Variants in ABL1 observed in about 807,000 individuals in gnomAD.
ABL1 encodes ABL proto-oncogene 1, non-receptor tyrosine kinase, also known as tyrosine-protein kinase ABL1.
ABL1 carries 11 observed loss-of-function variants against 94.7 expected under a neutral mutation model. The observed-to-expected ratio is 0.12, with a 90% CI of 0.07 to 0.19. The LOEUF is 0.19. Among genes scored for constraint, ABL1 ranks in the 10% least tolerant of loss-of-function variants. ABL1 has a pLI of 1.00. For synonymous variants in ABL1, 656 were observed against 622.4 expected (o/e 1.05, Z -0.80); for missense variants, 1,082 against 1,489.4 (o/e 0.73, Z 4.50).
chr9:130,815,338 GAAATAA>G (rs1002807454), intron 1 of ABL1, among the ~76,000 whole-genome samples: 23 of 152,116 alleles, frequency 1.5e-4, no homozygotes, highest in Non-Finnish European at 2.1e-4. Flanking sequence ...TCAAAATAAT[GAAATAA>G]AAATAAAAAA....
intron 1 of ABL1, among the ~76,000 whole-genome samples, chr9:130,811,810 G>A (rs892666421): frequency 6.6e-6 from 1 of 151,058 alleles, no homozygotes; most frequent in African/African-American, 2.4e-5. Flanking sequence ...TACTCGGGAG[G>A]CTGAGGCAGG....
rs1196473209 is a variant in ABL1, at chr9:130,885,678, A to G, written c.3388A>G (p.Arg1130Gly). ...GAAGGAAATCAGTGACATAGTGCAG[A>G]GGTAGCAGCAGTCAGGGGTCAGGTG... is the stretch of plus-strand genomic sequence containing the variant. ...SVKEISDIVQ[R>G] The change falls in exon 11 of 11, where the codon AGG (arginine) becomes GGG (glycine). Residue 1130 changes from arginine (R) to glycine (G), a missense_variant. Physicochemically the swap from Arg to Gly is moderately radical, Grantham distance 125. Around this residue, in one of 7 missense-constraint regions of ABL1, gnomAD observed 780 missense variants for 835.8 expected, o/e 0.93. Transcript: ENST00000318560. The G allele has an allele frequency of 6.2e-7, 1 of 1,608,508 alleles. No individual in the cohort carries two copies. Among genetic ancestry groups the G allele is most frequent in the Admixed American group, 1.7e-5 (1 of 59,850 alleles).
At chr9:130,831,982 T>C (rs1472752134), upstream of ABL1, among the ~76,000 whole-genome samples, 1 of 152,176 alleles carries the variant, frequency 6.6e-6, no homozygotes, top group Non-Finnish European at 1.5e-5. Flanking sequence ...ATTACACATA[T>C]TCTGATTCTA....
In ABL1 at chr9:130,880,369, T is replaced by G. The variant is rs1831430352; in HGVS notation, c.1514-131T>G. On this transcript the variant is annotated intron_variant, in intron 9 of 10. Transcript: ENST00000318560. The surrounding 1 kb of genome is among the most constrained non-coding windows in gnomAD (Gnocchi z 4.4). ...AATGCTAAGGGCTGTTTCTCCGGTA[T>G]CCACGTGCCTTTTCTTTAGTTGTAT... The G allele has an allele frequency of 8.5e-7, 1 of 1,178,610 alleles. No individual in the cohort carries two copies. Among genetic ancestry groups the G allele is most frequent in the South Asian group, 1.5e-5 (1 of 66,634 alleles). The allele number at this position is 1,178,610 out of a possible 1,614,324, so 73.0% of individuals were successfully genotyped here. A position where few individuals can be genotyped will look rare whatever the true frequency, so the allele number is the denominator to read the frequency against.
At chr9:130,747,118 T>C (rs2132720974) in intron 1 of ABL1, among the ~76,000 whole-genome samples, 1 of 152,268 alleles carries the variant, frequency 6.6e-6, no homozygotes, top group Admixed American at 6.5e-5. Context: ...CTCATGCCTG[T>C]AATCCCAGCA....
rs1831268734 is a variant in ABL1 at position 130,872,490 on chromosome 9, G to A, written c.907+277G>A. 6.6e-6 allele frequency among the ~76,000 whole-genome samples: 1 copy of A among 152,354 alleles called. No individual in the cohort carries two copies. Among genetic ancestry groups the A allele is most frequent in the African/African-American group, 2.4e-5 (1 of 41,580 alleles). On this transcript the variant is annotated intron_variant, in intron 5 of 10. Transcript: ENST00000318560. This position sits in a 1 kb window ranked among gnomAD's most constrained non-coding sequence, Gnocchi z 5.0. ...AATCTGAAATTAGTTTCTGAAACTT[G>A]GGCATTTTCCAGAGTTTTCTCACTG... is the stretch of plus-strand genomic sequence containing the variant.
chr9:130,811,077 A>G (rs1333717247), intron 1 of ABL1, among the ~76,000 whole-genome samples: 2 of 152,082 alleles, frequency 1.3e-5, no homozygotes, highest in Non-Finnish European at 2.9e-5. Context: ...TCAAAAATGA[A>G]GGCAAAATAA....
At chr9:130,793,726 G>T (rs1037579642) in intron 1 of ABL1, among the ~76,000 whole-genome samples, 1 of 152,110 alleles carries the variant, frequency 6.6e-6, no homozygotes, top group Non-Finnish European at 1.5e-5. Flanking sequence ...GTCATGGTCT[G>T]TGGCCTGTTA....
chr9:130,735,951 A>T (rs1588215887), intron 1 of ABL1, among the ~76,000 whole-genome samples: 1 of 82,784 alleles, frequency 1.2e-5, no homozygotes, highest in Non-Finnish European at 1.9e-5. Context: ...ATATATATAT[A>T]TATATATATA....
chr9:130,719,378 A>C (rs1261405621), intron 1 of ABL1, among the ~76,000 whole-genome samples: 1 of 151,992 alleles, frequency 6.6e-6, no homozygotes, highest in Admixed American at 6.6e-5. Flanking sequence ...AAAATACAAA[A>C]ATTAGCTGGG....
At chr9:130,733,021 G>T (rs1831686671) in intron 1 of ABL1, among the ~76,000 whole-genome samples, 1 of 152,192 alleles carries the variant, frequency 6.6e-6, no homozygotes, top group South Asian at 2.1e-4. Flanking sequence ...CAGAGAAGGG[G>T]AGTGTTTTTA....
intron 7 of ABL1, 78 bp downstream of exon 7, chr9:130,875,130 TTTC>T: frequency 6.9e-7 from 1 of 1,440,338 alleles, no homozygotes; most frequent in Non-Finnish European, 9.4e-7. Flanking sequence ...TGCTCTTCCC[TTTC>T]TTTTCTTCCT....
At chr9:130,836,464 G>A (rs1278699926) in intron 1 of ABL1, among the ~76,000 whole-genome samples, 1 of 152,176 alleles carries the variant, frequency 6.6e-6, no homozygotes, top group Non-Finnish European at 1.5e-5. Flanking sequence ...TCAGCAGAAA[G>A]GCTATCTGTG....
intron 1 of ABL1, among the ~76,000 whole-genome samples, chr9:130,725,201 A>G (rs1564269193): frequency 6.6e-6 from 1 of 151,890 alleles, no homozygotes; most frequent in African/African-American, 2.4e-5. Context: ...TCATCATCCT[A>G]AGTAGAAACT....
intron 1 of ABL1, among the ~76,000 whole-genome samples, chr9:130,716,062 G>GA (rs1366479272): frequency 7.9e-6 from 1 of 126,068 alleles, no homozygotes; most frequent in Non-Finnish European, 1.7e-5. Flanking sequence ...ACTTTTCACT[G>GA]AAAAATGTCC....
intron 1 of ABL1, among the ~76,000 whole-genome samples, chr9:130,717,980 C>T (rs1179498423): frequency 2.7e-5 from 4 of 147,128 alleles, no homozygotes; most frequent in Non-Finnish European, 4.5e-5. Context: ...CCATTGCACT[C>T]CAGCCTGGGC....
At chr9:130,791,564 G>T (rs1476059524) in intron 1 of ABL1, among the ~76,000 whole-genome samples, 4 of 152,080 alleles carry the variant, frequency 2.6e-5, no homozygotes, top group African/African-American at 9.7e-5. Flanking sequence ...AACAAAGCAG[G>T]CAGAAGAAGG....
intron 1 of ABL1, among the ~76,000 whole-genome samples, chr9:130,739,341 C>T (rs1831785796): frequency 6.6e-6 from 1 of 151,504 alleles, no homozygotes; most frequent in African/African-American, 2.4e-5. Flanking sequence ...CATTGTCAAT[C>T]TAAATGCATA....
chr9:130,858,534 C>T (rs1219223810), intron 3 of ABL1, among the ~76,000 whole-genome samples: 2 of 152,054 alleles, frequency 1.3e-5, no homozygotes, highest in African/African-American at 4.8e-5. Context: ...AGACCGTCTG[C>T]GGAGGTTCCT....
Sources: allele counts gnomAD v4.1 joint callset (sites outside exome capture counted in the v4.1 genomes callset), GRCh38; gene constraint gnomAD v4.1.1; regional missense constraint gnomAD v4.1.1; non-coding constraint Gnocchi (gnomAD v3.1); transcripts MANE v1.5; gene names NCBI Gene and HGNC (gene_info 2026-07-23, HGNC 2026-07-21).